COL5A3: variants seen among roughly 807,000 people sequenced by gnomAD.
COL5A3 encodes collagen type V alpha 3 chain.
COL5A3 carries 172 observed loss-of-function variants against 250.0 expected under a neutral mutation model. The ratio of observed to expected loss-of-function variants is 0.69; its 90% CI spans 0.61 to 0.78. The LOEUF is 0.78. COL5A3 is among the 30% of genes least tolerant of loss of function. COL5A3 has a pLI of 0.00. For synonymous variants in COL5A3, 937 were observed against 900.4 expected (o/e 1.04, Z -0.73); for missense variants, 2,340 against 2,334.4 (o/e 1.00, Z -0.05).
In COL5A3 at chr19:9,992,518, A is replaced by G. The variant is rs187277824; in HGVS notation, c.1848+309T>C. On this transcript the variant is annotated intron_variant, in intron 21 of 66. Coordinates refer to ENST00000264828, the MANE Select transcript of COL5A3 (RefSeq NM_015719.4). ...AAAAAGACAGACAGGGGCCAGGAAC[A>G]GTGGCTCAGGCCTGTAATCCCAGCA... Among the ~76,000 whole-genome samples, 8 of 151,808 alleles carry G rather than the reference A, an allele frequency of 5.3e-5. No individual in the cohort carries two copies. The East Asian group carries it at 1.6e-3, about 30-fold the overall frequency.
chr19:9,976,594 TG>T lies in COL5A3; in HGVS notation c.3305del (p.Pro1102GlnfsTer42). ...DKGDAGPPGQPGIRGPAGHPG... is the reference protein window; with the variant it reads ...DKGDAGPPGQXGIRGPAGHPG... ...GGTGTCCTGCAGGACCCCGTATCCC[TG>T]GTTGTCCAGGTGGGCCCTGGGAGAA... On this transcript the variant is annotated frameshift_variant, in exon 45 of 67. Transcript: ENST00000264828. LOFTEE classifies it high-confidence loss of function. The T allele has an allele frequency of 6.4e-7, 1 of 1,570,934 alleles. No individual in the cohort carries two copies. Among genetic ancestry groups the T allele is most frequent in the Non-Finnish European group, 8.6e-7 (1 of 1,164,660 alleles).
At chr19:10,004,572 C>A (rs535153992) in intron 4 of COL5A3, among the ~76,000 whole-genome samples, 1 of 152,320 alleles carries the variant, frequency 6.6e-6, no homozygotes, top group South Asian at 2.1e-4. Context: ...CTCAAGTGAT[C>A]CACCCGCCTT....
At position 9,960,687 on chromosome 19, in the gene COL5A3, T is replaced by A. The variant is rs756395053; in HGVS notation, c.5055A>T (p.Thr1685=). The change falls in exon 66 of 67, where the codon ACA becomes ACT. Residue 1685 remains threonine (T), a synonymous_variant. Transcript: ENST00000264828. ...CCTGGGGGACGCTGACAGTGGCTGC[T>A]GTCGTCTGGTTGAAAGACAGCTCCT... ...NGEELSFNQT[T]AATVSVPQDG... 6.2e-7 allele frequency: 1 copy of A among 1,613,956 alleles called. No individual in the cohort carries two copies. The highest frequency in any genetic ancestry group is 1.1e-5 in the South Asian group (1 of 91,072).
In COL5A3 at chr19:9,973,554, TCA is replaced by T. The variant is rs1188988779; in HGVS notation, c.3666+14_3666+15del. ...CCCTGAGTTGGGTGCAGGGACCACA[TCA>T]CACAGTCACTCACCGGGATGCCTGG... On this transcript the variant is annotated intron_variant, in intron 50 of 66. Transcript: ENST00000264828. 3 of 1,608,782 alleles carry T rather than the reference TCA, an allele frequency of 1.9e-6. No homozygotes were observed. Among genetic ancestry groups the T allele is most frequent in the Non-Finnish European group, 2.5e-6 (3 of 1,177,558 alleles).
In COL5A3 at chr19:9,969,599, AC is replaced by A; in HGVS notation, c.4073del (p.Gly1358ValfsTer35). The A allele has an allele frequency of 6.2e-7, 1 of 1,608,238 alleles. No homozygotes were observed. The highest frequency in any genetic ancestry group is 8.5e-7 in the Non-Finnish European group (1 of 1,178,394). On this transcript the variant is annotated frameshift_variant, in exon 56 of 67. Transcript: ENST00000264828. LOFTEE classifies it high-confidence loss of function. ...CCACAGGGCCAGGGATCCCTCGAAG[AC>A]CCTCAGGCCCCACACGTCCAGGGGG... The part of the protein sequence containing the change: ...RGPPGRVGPE[G>X]LRGIPGPVGE...
At chr19:10,003,511 A>G in intron 6 of COL5A3, 54 bp downstream of exon 6, 1 of 1,577,930 alleles carries the variant, frequency 6.3e-7, no homozygotes, top group Non-Finnish European at 8.7e-7. Context: ...TCAGACAGTC[A>G]AGACCGGAAG....
At chr19:9,973,104 TTGGGGTGGTC>T in intron 50 of COL5A3, 78 bp from the exon 51 acceptor site, 1 of 1,347,464 alleles carries the variant, frequency 7.4e-7, no homozygotes, top group Non-Finnish European at 1.0e-6. Context: ...GATTCAGGCA[TTGGGGTGGTC>T]TGGGACTTTT....
intron 24 of COL5A3, among the ~76,000 whole-genome samples, chr19:9,990,817 C>G (rs1177711497): frequency 6.6e-6 from 1 of 152,156 alleles, no homozygotes; most frequent in Non-Finnish European, 1.5e-5. Context: ...CCCATCTCAG[C>G]CTCCCAAAGT....
Position 9,962,903 on chromosome 19 carries a change from G to C in COL5A3, c.4783-16C>G. ...CCAATTTCACCTGGAAGAGAAAAGG[G>C]AGGGTCACTGTAGCTGACGCCCTTG... On this transcript the variant is annotated splice_polypyrimidine_tract_variant and intron_variant, in intron 64 of 66. Coordinates refer to ENST00000264828, the MANE Select transcript of COL5A3 (RefSeq NM_015719.4). 1.2e-6 allele frequency: 2 copies of C among 1,600,818 alleles called. No individual in the cohort carries two copies. The highest frequency in any genetic ancestry group is 1.7e-6 in the Non-Finnish European group (2 of 1,171,408).
At chr19:9,972,370 C>T (rs1418961255) in intron 51 of COL5A3, among the ~76,000 whole-genome samples, 1 of 152,162 alleles carries the variant, frequency 6.6e-6, no homozygotes, top group Non-Finnish European at 1.5e-5. Context: ...TTTATTCATT[C>T]ACGTATTCAT....
chr19:9,990,982 T>TG (rs1184276306), intron 24 of COL5A3, among the ~76,000 whole-genome samples: 1 of 152,152 alleles, frequency 6.6e-6, no homozygotes, highest in Non-Finnish European at 1.5e-5. Flanking sequence ...CCCAGCATTT[T>TG]GGGGGGCCAA....
rs777568023 is a variant in COL5A3, at chr19:9,960,727, AG to A, written c.5014del (p.Gly1673AlafsTer168). On this transcript the variant is annotated frameshift_variant, in exon 66 of 67. Transcript: ENST00000264828. LOFTEE classifies it high-confidence loss of function. ...TGDYSHSARF[L>X]GTNGEELSFN... Reference sequence around the variant, plus strand: ...AGACAGCTCCTCTCCATTGGTGCCAAGGAAGCGGGCGGAGTGGCTGTAGTCA... The same window carrying A: ...AGACAGCTCCTCTCCATTGGTGCCAAGAAGCGGGCGGAGTGGCTGTAGTCA... 6.2e-7 allele frequency: 1 copy of A among 1,614,078 alleles called. No homozygotes were observed. The highest frequency in any genetic ancestry group is 8.5e-7 in the Non-Finnish European group (1 of 1,180,036).
In COL5A3 at chr19:9,968,923, C is replaced by A; in HGVS notation, c.4153-195G>T. On this transcript the variant is annotated intron_variant, in intron 57 of 66. Coordinates refer to ENST00000264828, the MANE Select transcript of COL5A3 (RefSeq NM_015719.4). This position sits in a 1 kb window ranked among gnomAD's most constrained non-coding sequence, Gnocchi z 4.1. ...AATGAGGGGTTGACTGGAGGATGGA[C>A]AACGTGAGTGGTCAGTGGCCAAGGT... The A allele has an allele frequency of 1.6e-6, 1 of 642,392 alleles. No homozygotes were observed. The highest frequency in any genetic ancestry group is 1.8e-5 in the South Asian group (1 of 55,200). 39.8% of individuals were successfully genotyped at this position (642,392 alleles called of 1,614,324 possible).
chr19:9,968,041 C>T lies in COL5A3; in HGVS notation c.4353G>A (p.Gly1451=), dbSNP rs759341052. 4 of 1,589,006 alleles carry T rather than the reference C, an allele frequency of 2.5e-6. No individual in the cohort carries two copies. Among genetic ancestry groups the T allele is most frequent in the African/African-American group, 1.4e-5 (1 of 73,332 alleles). The change falls in exon 60 of 67, where the codon GGG becomes GGA. Residue 1451 remains glycine (G), a synonymous_variant. Transcript: ENST00000264828. The surrounding 1 kb of genome is among the most constrained non-coding windows in gnomAD (Gnocchi z 4.1). ...PGPIGSLGHP[G]PPGVAGPLGQ... Reference sequence around the variant, plus strand: ...GCATACTCACCGCCACACCTGGGGGCCCAGGGTGGCCCAGAGAGCCAATGG... The same window carrying T: ...GCATACTCACCGCCACACCTGGGGGTCCAGGGTGGCCCAGAGAGCCAATGG...
chr19:9,999,755 C>A (rs2087330638), intron 8 of COL5A3, among the ~76,000 whole-genome samples: 2 of 152,014 alleles, frequency 1.3e-5, no homozygotes, highest in Non-Finnish European at 1.5e-5. Context: ...CGTGAGCCAC[C>A]GCGCCTGGCC....
intron 37 of COL5A3, 40 bp from the exon 38 acceptor site, chr19:9,979,457 G>T (rs2086972855): frequency 6.2e-7 from 1 of 1,605,208 alleles, no homozygotes; most frequent in Admixed American, 1.7e-5. Context: ...TGTTACATGG[G>T]GAAGGGATGG....
chr19:9,988,903 A>C (rs2087146351), intron 27 of COL5A3, among the ~76,000 whole-genome samples: 1 of 151,914 alleles, frequency 6.6e-6, no homozygotes, highest in Non-Finnish European at 1.5e-5. Context: ...GAAAAGAAAG[A>C]AATGTGTTTG....
intron 45 of COL5A3, 76 bp from the exon 46 acceptor site, chr19:9,974,484 C>A (rs2086893731): frequency 8.7e-7 from 1 of 1,144,324 alleles, no homozygotes; most frequent in African/African-American, 1.6e-5. Flanking sequence ...AGGGTCAAGA[C>A]TGAGGTTAAG....
chr19:9,981,193 A>G (rs1056189226), intron 32 of COL5A3, 61 bp from the exon 33 acceptor site: 1 of 1,449,174 alleles, frequency 6.9e-7, no homozygotes, highest in Non-Finnish European at 9.7e-7. Flanking sequence ...TATGACGCAA[A>G]CACAAAAAGA....
Sources: gnomAD v4.1 joint callset for allele counts (sites outside exome capture counted in the v4.1 genomes callset) on GRCh38, gnomAD v4.1.1 for gene constraint, Gnocchi (gnomAD v3.1) non-coding constraint, MANE v1.5 for transcripts, NCBI Gene and HGNC (gene_info 2026-07-23, HGNC 2026-07-21) for gene names.